Variants in CHD9 observed in about 807,000 individuals in gnomAD.
CHD9 encodes ATP-dependent chromatin remodeler CHD9.
CHD9 carries 77 observed loss-of-function variants against 316.1 expected under a neutral mutation model. That is an observed-to-expected ratio of 0.24 (90% CI 0.20 to 0.29). The LOEUF (loss-of-function observed/expected upper bound fraction) is 0.29, where lower values mean the gene tolerates loss of function less well. CHD9 is among the 10% of genes least tolerant of loss of function. The probability of loss-of-function intolerance (pLI) is 1.00; values close to 1 mark genes in which losing one functional copy is unlikely to be tolerated. For synonymous variants in CHD9, 1,129 were observed against 1,158.3 expected (o/e 0.97, Z 0.51); for missense variants, 2,763 against 3,438.1 (o/e 0.80, Z 4.91).
intron 1 of CHD9, among the ~76,000 whole-genome samples, chr16:53,139,635 A>G (rs2039957981): frequency 6.6e-6 from 1 of 152,194 alleles, no homozygotes; most frequent in Non-Finnish European, 1.5e-5. Context: ...GGGAAAGCAG[A>G]AAAGAGGTGC....
At chr16:53,108,378 A>G (rs1484367888) in intron 1 of CHD9, among the ~76,000 whole-genome samples, 2 of 151,766 alleles carry the variant, frequency 1.3e-5, no homozygotes, top group Non-Finnish European at 2.9e-5. Context: ...GGTGGTGTGC[A>G]CCTATAGTCC....
chr16:53,146,438 A>ATATATATATATATATATATATATATAT lies in CHD9; in HGVS notation c.-164-9487_-164-9486insATATATATATATATATATATATATATT, dbSNP rs1567374423. Reference sequence around the variant, plus strand: ...GTGTATGTATATATATATATATATAATTAAAAAGTTCCAGAGATTGGTGCA... The same window carrying ATATATATATATATATATATATATATAT: ...GTGTATGTATATATATATATATATAATATATATATATATATATATATATATATTTAAAAAGTTCCAGAGATTGGTGCA... On this transcript the variant is annotated intron_variant, in intron 1 of 38. Transcript: ENST00000447540. 2.5e-3 allele frequency among the ~76,000 whole-genome samples: 115 copies of ATATATATATATATATATATATATATAT among 46,278 alleles called. 1 individual carries two copies. Among genetic ancestry groups the ATATATATATATATATATATATATATAT allele is most frequent in the African/African-American group, 0.01 (112 of 10,802 alleles). The allele number at this position is 46,278 out of a possible 152,430, so 30.4% of individuals were successfully genotyped here.
intron 1 of CHD9, among the ~76,000 whole-genome samples, chr16:53,104,650 A>G (rs1403854646): frequency 2.6e-5 from 4 of 151,882 alleles, no homozygotes; most frequent in Non-Finnish European, 5.9e-5. Context: ...ATCTCTACTA[A>G]AAATACAAAA....
chr16:53,135,605 TGAA>T lies in CHD9; in HGVS notation c.-164-20315_-164-20313del, dbSNP rs200011191. Among the ~76,000 whole-genome samples the T allele has an allele frequency of 2.6e-4, 40 of 152,158 alleles. 1 individual carries two copies. The East Asian group carries it at 7.5e-3, about 29-fold the overall frequency. On this transcript the variant is annotated intron_variant, in intron 1 of 38. Transcript: ENST00000447540. ...GATAGTGGTGTGTGATTTACTGAGATGAAGAAGATGAGGGAAAGGAAAGATTTG... is the reference window on the plus strand; with the variant it reads ...GATAGTGGTGTGTGATTTACTGAGATGAAGATGAGGGAAAGGAAAGATTTG...
rs567221860 is a variant in CHD9, at chr16:53,239,981, C to T, written c.2877+1395C>T. Among the ~76,000 whole-genome samples the T allele has an allele frequency of 9.8e-5, 15 of 152,286 alleles. 1 individual carries two copies. The South Asian group carries it at 1.2e-3, about 13-fold the overall frequency. ...GGAAGTAGGAAGCAAAATGAGGTTACAGGAGCAAAATCAGTTAATTTATCC... is the reference window on the plus strand; with the variant it reads ...GGAAGTAGGAAGCAAAATGAGGTTATAGGAGCAAAATCAGTTAATTTATCC... On this transcript the variant is annotated intron_variant, in intron 12 of 38. Transcript: ENST00000447540.
chr16:53,259,813 C>T (rs2050926442), intron 19 of CHD9, among the ~76,000 whole-genome samples: 2 of 152,204 alleles, frequency 1.3e-5, no homozygotes, highest in Admixed American at 6.5e-5. Flanking sequence ...CTATGCCCAG[C>T]CTGCTTTTCA....
chr16:53,222,077 T>C (rs952036883), intron 3 of CHD9, among the ~76,000 whole-genome samples: 2 of 152,162 alleles, frequency 1.3e-5, no homozygotes, highest in Non-Finnish European at 2.9e-5. Context: ...TGCTTGCTTG[T>C]TTGCTTATTT....
chr16:53,246,998 C>T (rs1055495697), intron 15 of CHD9, among the ~76,000 whole-genome samples: 4 of 151,980 alleles, frequency 2.6e-5, no homozygotes. Flanking sequence ...TTATTTTTTC[C>T]CTAATAACAT....
At chr16:53,270,939 T>G (rs1165308715) in intron 22 of CHD9, among the ~76,000 whole-genome samples, 1 of 152,166 alleles carries the variant, frequency 6.6e-6, no homozygotes, top group Admixed American at 6.5e-5. Context: ...GGATGAAAAC[T>G]GACTCAAAAT....
chr16:53,142,485 TG>T (rs1567367453), intron 1 of CHD9, among the ~76,000 whole-genome samples: 2 of 152,218 alleles, frequency 1.3e-5, no homozygotes, highest in African/African-American at 4.8e-5. Context: ...GAGGTTTGTT[TG>T]TTTTTTGTAG....
intron 2 of CHD9, among the ~76,000 whole-genome samples, chr16:53,158,631 T>G (rs1200179410): frequency 6.6e-6 from 1 of 152,076 alleles, no homozygotes; most frequent in African/African-American, 2.4e-5. Flanking sequence ...ATACTTTTTT[T>G]TGTTTTTTTT....
At chr16:53,223,251 C>CTTT (rs58315231) in intron 4 of CHD9, among the ~76,000 whole-genome samples, 2 of 139,010 alleles carry the variant, frequency 1.4e-5, no homozygotes, top group East Asian at 2.1e-4. Context: ...TGCATTTTGC[C>CTTT]TTTTTTTTTT....
intron 1 of CHD9, among the ~76,000 whole-genome samples, chr16:53,103,702 T>C (rs2037084094): frequency 6.6e-6 from 1 of 152,246 alleles, no homozygotes; most frequent in Admixed American, 6.5e-5. Context: ...TTTCCTCTGA[T>C]TGAAAACTTC....
intron 2 of CHD9, among the ~76,000 whole-genome samples, chr16:53,160,938 G>T (rs910132234): frequency 4.0e-5 from 6 of 151,842 alleles, no homozygotes; most frequent in Non-Finnish European, 2.9e-5. Flanking sequence ...GTCTGTTCTC[G>T]ACCAGGTGCC....
chr16:53,186,154 G>T (rs1196720129), intron 2 of CHD9, among the ~76,000 whole-genome samples: 1 of 152,196 alleles, frequency 6.6e-6, no homozygotes, highest in African/African-American at 2.4e-5. Context: ...ACACTCAACA[G>T]CAGCCCATGA....
chr16:53,064,622 G>A (rs571007882), intron 1 of CHD9, among the ~76,000 whole-genome samples: 1 of 152,270 alleles, frequency 6.6e-6, no homozygotes, highest in East Asian at 1.9e-4. Flanking sequence ...AGGCTGAAAG[G>A]GGCGGACTAA....
chr16:53,239,572 C>T (rs1490877076), intron 12 of CHD9, among the ~76,000 whole-genome samples: 2 of 152,094 alleles, frequency 1.3e-5, no homozygotes, highest in Non-Finnish European at 2.9e-5. Context: ...TCTCCTGGCA[C>T]CCTACACTAA....
intron 1 of CHD9, among the ~76,000 whole-genome samples, chr16:53,059,063 A>G (rs1014811080): frequency 4.6e-5 from 7 of 151,848 alleles, no homozygotes; most frequent in African/African-American, 1.5e-4. Flanking sequence ...CTGGTCTCCA[A>G]CTCCTAGACT....
chr16:53,143,563 A>G (rs939309329), intron 1 of CHD9, among the ~76,000 whole-genome samples: 1 of 151,600 alleles, frequency 6.6e-6, no homozygotes, highest in African/African-American at 2.4e-5. Flanking sequence ...AATTTTTTGT[A>G]TTTTTAGTAG....
Sources: gnomAD v4.1 joint callset for allele counts (sites outside exome capture counted in the v4.1 genomes callset) on GRCh38, gnomAD v4.1.1 for gene constraint, MANE v1.5 for transcripts, NCBI Gene and HGNC (gene_info 2026-07-23, HGNC 2026-07-21) for gene names.